Variants in XRN2 observed in about 807,000 individuals in gnomAD.
XRN2 encodes the protein 5'-3' exoribonuclease 2.
Under a neutral mutation model 138.5 loss-of-function variants are expected in XRN2, and 44 were observed. The ratio of observed to expected loss-of-function variants is 0.32; its 90% CI spans 0.25 to 0.41. XRN2 has a LOEUF of 0.41. Among genes scored for constraint, XRN2 ranks in the 10% least tolerant of loss-of-function variants. XRN2 has a pLI of 1.00. For synonymous variants in XRN2, 354 were observed against 369.4 expected, an observed-to-expected ratio of 0.96 and a Z score of 0.48; for missense variants, 937 against 1,169.3, an observed-to-expected ratio of 0.80 and a Z score of 2.90.
intron 17 of XRN2, 133 bp downstream of exon 17, chr20:21,346,683 G>C: frequency 9.1e-7 from 1 of 1,093,780 alleles, no homozygotes; most frequent in Admixed American, 2.5e-5. Context: ...GCAATGGCGT[G>C]ATCTCAACTC....
intron 1 of XRN2, among the ~76,000 whole-genome samples, chr20:21,315,117 C>T (rs1156818929): frequency 6.6e-6 from 1 of 152,170 alleles, no homozygotes; most frequent in Non-Finnish European, 1.5e-5. Context: ...GGAACAAAGC[C>T]CACCTTGTCC....
intron 24 of XRN2, 71 bp from the exon 25 acceptor site, chr20:21,365,350 A>G: frequency 1.4e-6 from 2 of 1,466,926 alleles, no homozygotes; most frequent in Non-Finnish European, 1.9e-6. Context: ...AAACATGAAA[A>G]ATACCTCAGT....
intron 24 of XRN2, 95 bp downstream of exon 24, chr20:21,357,887 C>T: frequency 9.5e-7 from 1 of 1,047,388 alleles, no homozygotes; most frequent in Non-Finnish European, 1.4e-6. Flanking sequence ...GAAATGGCAG[C>T]TGTTAATCCA....
intron 27 of XRN2, among the ~76,000 whole-genome samples, chr20:21,375,431 C>T (rs1485841834): frequency 1.3e-5 from 2 of 151,934 alleles, no homozygotes; most frequent in East Asian, 3.8e-4. Context: ...CCAATATATG[C>T]ACTTCAGTGT....
chr20:21,383,584 A>G (rs766980818), intron 28 of XRN2, among the ~76,000 whole-genome samples: 14 of 152,232 alleles, frequency 9.2e-5, no homozygotes, highest in Non-Finnish European at 1.8e-4. Flanking sequence ...AAAACTTACC[A>G]GAATATTTAC....
intron 27 of XRN2, among the ~76,000 whole-genome samples, chr20:21,376,794 A>T (rs547080747): frequency 6.6e-6 from 1 of 152,302 alleles, no homozygotes. Context: ...TTGGAAACCC[A>T]GGAGGGTGAA....
At chr20:21,346,864 G>A (rs1243730646) in intron 17 of XRN2, among the ~76,000 whole-genome samples, 2 of 152,046 alleles carry the variant, frequency 1.3e-5, no homozygotes, top group African/African-American at 4.8e-5. Flanking sequence ...TGATCCGCCT[G>A]CCTCAGCCTC....
chr20:21,320,531 C>G (rs1009014241), intron 1 of XRN2, among the ~76,000 whole-genome samples: 1 of 151,870 alleles, frequency 6.6e-6, no homozygotes, highest in Non-Finnish European at 1.5e-5. Context: ...GATCTCCTGA[C>G]ATCGTGATCG....
At chr20:21,322,567 T>C (rs1006102208) in intron 1 of XRN2, among the ~76,000 whole-genome samples, 3 of 152,134 alleles carry the variant, frequency 2.0e-5, no homozygotes, top group Non-Finnish European at 4.4e-5. Flanking sequence ...CCTTTGTAGG[T>C]TTAAACAAAA....
chr20:21,309,340 C>T (rs990321828), intron 1 of XRN2, among the ~76,000 whole-genome samples: 1 of 152,136 alleles, frequency 6.6e-6, no homozygotes, highest in South Asian at 2.1e-4. Flanking sequence ...TGATCTAGAA[C>T]TATTGAGGTT....
intron 24 of XRN2, among the ~76,000 whole-genome samples, chr20:21,359,033 A>G (rs2038607131): frequency 2.0e-5 from 3 of 152,174 alleles, no homozygotes. Context: ...GCATATATTC[A>G]AGGGCCTTCC....
intron 15 of XRN2, among the ~76,000 whole-genome samples, chr20:21,342,545 A>G (rs2038385679): frequency 6.6e-6 from 1 of 152,204 alleles, no homozygotes; most frequent in Non-Finnish European, 1.5e-5. Context: ...TAATTTTGTT[A>G]AAGTTTGCTT....
At chr20:21,351,840 C>T (rs1315966700) in intron 20 of XRN2, among the ~76,000 whole-genome samples, 1 of 152,136 alleles carries the variant, frequency 6.6e-6, no homozygotes, top group Non-Finnish European at 1.5e-5. Flanking sequence ...GTTGAAAAGA[C>T]CATTCTTCCC....
chr20:21,347,757 A>G (rs955595304), intron 17 of XRN2, among the ~76,000 whole-genome samples: 3 of 152,234 alleles, frequency 2.0e-5, no homozygotes, highest in African/African-American at 4.8e-5. Context: ...ACCACCTTAC[A>G]TGCTCAGTAA....
Position 21,373,580 on chromosome 20 carries a change from A to G in XRN2, c.2584+4990A>G, listed in dbSNP as rs369237494. ...TCCAAATTACATTCAGTTTGTATGA[A>G]TTTACACTCCTCCAGCAGTGTAGGA... is the stretch of plus-strand genomic sequence containing the variant. On this transcript the variant is annotated intron_variant, in intron 27 of 29. Coordinates refer to ENST00000377191, the MANE Select transcript of XRN2 (RefSeq NM_012255.5). 4.6e-5 allele frequency among the ~76,000 whole-genome samples: 7 copies of G among 152,302 alleles called. No individual in the cohort carries two copies. The East Asian group carries it at 1.3e-3, about 29-fold the overall frequency.
intron 24 of XRN2, among the ~76,000 whole-genome samples, chr20:21,363,320 T>C (rs144354990): frequency 6.6e-6 from 1 of 152,286 alleles, no homozygotes; most frequent in African/African-American, 2.4e-5. Flanking sequence ...GGTATTCTAA[T>C]AGTTTGGCAA....
intron 3 of XRN2, among the ~76,000 whole-genome samples, chr20:21,327,005 CAATG>C (rs1220889355): frequency 6.6e-6 from 1 of 152,072 alleles, no homozygotes; most frequent in African/African-American, 2.4e-5. Flanking sequence ...ATTTCTTTAA[CAATG>C]AAGAATAATT....
At position 21,326,428 on chromosome 20, in the gene XRN2, C is replaced by A. The variant is rs189255798; in HGVS notation, c.203+22C>A. 85 of 1,613,518 alleles carry A rather than the reference C, an allele frequency of 5.3e-5. No homozygotes were observed. The Admixed American group carries it at 6.3e-4, about 12-fold the overall frequency. ...ACAAGTACGTAACCCATTTTTGTCACTGATATAGCAAATCACAGAGGAAAC... is the reference window on the plus strand; with the variant it reads ...ACAAGTACGTAACCCATTTTTGTCAATGATATAGCAAATCACAGAGGAAAC... On this transcript the variant is annotated intron_variant, in intron 2 of 29. Coordinates refer to ENST00000377191, the MANE Select transcript of XRN2 (RefSeq NM_012255.5).
chr20:21,310,639 T>G (rs1035423473), intron 1 of XRN2, among the ~76,000 whole-genome samples: 10 of 152,210 alleles, frequency 6.6e-5, no homozygotes, highest in African/African-American at 2.4e-4. Flanking sequence ...GCATGGTGTG[T>G]TTTTTTCTAT....
Sources: allele counts gnomAD v4.1 joint callset (sites outside exome capture counted in the v4.1 genomes callset), GRCh38; gene constraint gnomAD v4.1.1; transcripts MANE v1.5; gene names NCBI Gene and HGNC (gene_info 2026-07-23, HGNC 2026-07-21).